Variants in ATP13A4 observed in about 807,000 individuals in gnomAD.
ATP13A4 encodes ATPase 13A4.
A neutral mutation model predicts 142.5 loss-of-function variants in ATP13A4; 114 were observed. The ratio of observed to expected loss-of-function variants is 0.80; its 90% confidence interval spans 0.69 to 0.93. ATP13A4 has a LOEUF of 0.93. Ranked by LOEUF, ATP13A4 falls within the 40% of genes least tolerant of loss-of-function variation. ATP13A4 has a pLI of 0.00. For synonymous variants in ATP13A4, 488 were observed against 514.8 expected (o/e 0.95, Z 0.70); for missense variants, 1,392 against 1,454.0 (o/e 0.96, Z 0.69).
chr3:193,570,208 G>A (rs535129428), intron 2 of ATP13A4, among the ~76,000 whole-genome samples: 39 of 152,120 alleles, frequency 2.6e-4, no homozygotes, highest in Non-Finnish European at 5.4e-4. Context: ...GGCTACTCAG[G>A]AGACTGAGCT....
At chr3:193,569,525 G>GTTT in intron 2 of ATP13A4, among the ~76,000 whole-genome samples, 1 of 150,706 alleles carries the variant, frequency 6.6e-6, no homozygotes, top group Non-Finnish European at 1.5e-5. Context: ...TGGTTTTTTT[G>GTTT]TTGTTGTTTT....
chr3:193,502,528 T>C lies in ATP13A4; in HGVS notation c.346A>G (p.Ile116Val), dbSNP rs1256648859. Residue 116 changes from isoleucine to valine, a missense_variant, in exon 3 of 30, where the codon ATC (isoleucine) becomes GTC (valine). Transcript: ENST00000342695. ...DHPLMTDEEY[I>V]INRAIRKPDL... Reference sequence around the variant, plus strand: ...GGCTTTCTTATGGCTCTATTTATGATATACTCCTCATCTGTCATGAGAGGG... The same window carrying C: ...GGCTTTCTTATGGCTCTATTTATGACATACTCCTCATCTGTCATGAGAGGG... The C allele has an allele frequency of 1.2e-6, 2 of 1,613,964 alleles. No individual in the cohort carries two copies. Among genetic ancestry groups the C allele is most frequent in the African/African-American group, 1.3e-5 (1 of 74,908 alleles).
chr3:193,446,361 C>T (rs942557086), intron 18 of ATP13A4, among the ~76,000 whole-genome samples: 36 of 151,894 alleles, frequency 2.4e-4, no homozygotes, highest in Admixed American at 2.0e-3. Flanking sequence ...TCTCCCACTC[C>T]GATCTCTTCT....
chr3:193,470,307 C>A (rs556750124), intron 9 of ATP13A4, among the ~76,000 whole-genome samples: 70 of 152,164 alleles, frequency 4.6e-4, no homozygotes, highest in Non-Finnish European at 9.4e-4. Flanking sequence ...CCAGCTCCAG[C>A]ACTGCCATTT....
chr3:193,571,184 A>T (rs967990591), intron 2 of ATP13A4, among the ~76,000 whole-genome samples: 1 of 151,734 alleles, frequency 6.6e-6, no homozygotes, highest in African/African-American at 2.4e-5. Flanking sequence ...AGGCTGAGGC[A>T]GGAGAATTGT....
Position 193,459,096 on chromosome 3 carries a change from A to T in ATP13A4, c.1659T>A (p.Phe553Leu). Residue 553 changes from phenylalanine to leucine, a missense_variant, in exon 14 of 30, where the codon TTT becomes TTA. Coordinates refer to ENST00000342695, the MANE Select transcript of ATP13A4 (RefSeq NM_032279.4). Reference protein sequence around the residue: ...IQGDPLDLKMFEATTWEMAFS... With the variant: ...IQGDPLDLKMLEATTWEMAFS... ...AGAGGCTTACCCAGGTGGTGGCTTC[A>T]AACATTTTGAGGTCCAGAGGGTCTC... The T allele has an allele frequency of 6.2e-7, 1 of 1,614,250 alleles. No individual in the cohort carries two copies. The highest frequency in any genetic ancestry group is 8.5e-7 in the Non-Finnish European group (1 of 1,180,048).
chr3:193,545,316 T>C (rs950286569), intron 1 of ATP13A4, among the ~76,000 whole-genome samples: 6 of 152,196 alleles, frequency 3.9e-5, no homozygotes, highest in Non-Finnish European at 5.9e-5. Context: ...GGGCCCTGCA[T>C]GTGTACCCAC....
intron 2 of ATP13A4, among the ~76,000 whole-genome samples, chr3:193,570,071 A>G (rs1724226148): frequency 1.3e-5 from 2 of 152,132 alleles, no homozygotes; most frequent in South Asian, 4.1e-4. Flanking sequence ...AGGCTGAGGC[A>G]GGAGGATCAC....
chr3:193,452,941 G>C (rs954719194), intron 17 of ATP13A4, among the ~76,000 whole-genome samples: 2 of 151,908 alleles, frequency 1.3e-5, no homozygotes, highest in African/African-American at 2.4e-5. Context: ...AAATTGGGAG[G>C]AGATTGTACT....
intron 1 of ATP13A4, among the ~76,000 whole-genome samples, chr3:193,515,384 G>A (rs1560247924): frequency 6.6e-6 from 1 of 152,188 alleles, no homozygotes; most frequent in Non-Finnish European, 1.5e-5. Context: ...AGCAGACACA[G>A]GAGAGGGAGA....
At chr3:193,590,720 A>T (rs960957246) in intron 1 of ATP13A4, among the ~76,000 whole-genome samples, 4 of 152,228 alleles carry the variant, frequency 2.6e-5, no homozygotes, top group African/African-American at 9.6e-5. Flanking sequence ...GTCAGAAGCA[A>T]GATGGAGTCA....
intron 2 of ATP13A4, among the ~76,000 whole-genome samples, chr3:193,568,946 G>A (rs1201018594): frequency 6.6e-6 from 1 of 152,204 alleles, no homozygotes; most frequent in African/African-American, 2.4e-5. Flanking sequence ...GGCGAGAAGA[G>A]ATAAATCTCT....
chr3:193,457,380 T>C lies in ATP13A4; in HGVS notation c.1760A>G (p.Gln587Arg), dbSNP rs200088407. The change falls in exon 15 of 30, where the codon CAG becomes CGG. Residue 587 changes from glutamine to arginine, a missense_variant and splice_region_variant. Coordinates refer to ENST00000342695, the MANE Select transcript of ATP13A4 (RefSeq NM_032279.4). ...GGGTGAAGAGCAAGCAGGGCTTACC[T>C]GGCTGGCTGTTCTGCAGGGCTTAAC... Reference protein sequence around the residue: ...MVVKPCRTASQVPVEGIAILH... With the variant: ...MVVKPCRTASRVPVEGIAILH... The C allele has an allele frequency of 1.8e-4, 291 of 1,614,146 alleles. No homozygotes were observed. Among genetic ancestry groups the C allele is most frequent in the Admixed American group, 2.3e-4 (14 of 60,028 alleles).
intron 2 of ATP13A4, among the ~76,000 whole-genome samples, chr3:193,579,756 C>T (rs1385185031): frequency 1.3e-5 from 2 of 152,164 alleles, no homozygotes; most frequent in Non-Finnish European, 2.9e-5. Flanking sequence ...TAGCTGGGAA[C>T]AACCTGGGTC....
intron 1 of ATP13A4, among the ~76,000 whole-genome samples, chr3:193,582,149 C>CTTTTT (rs61610633): frequency 1.6e-3 from 194 of 124,320 alleles, no homozygotes; most frequent in East Asian, 2.6e-3. Context: ...CTTTTCTTTT[C>CTTTTT]TTTTTTTTTT....
Position 193,424,390 on chromosome 3 carries a change from A to C in ATP13A4, c.2842+9455T>G, listed in dbSNP as rs913549791. ...ATAACCAAAGCACTCTTCAGCAAAA[A>C]GAATAATGCCAGAGGCCCCACATAT... On this transcript the variant is annotated intron_variant, in intron 25 of 29. Transcript: ENST00000342695. 1.7e-4 allele frequency among the ~76,000 whole-genome samples: 25 copies of C among 149,824 alleles called. 1 individual carries two copies. The highest frequency in any genetic ancestry group is 3.0e-5 in the Non-Finnish European group (2 of 67,582).
intron 27 of ATP13A4, among the ~76,000 whole-genome samples, chr3:193,411,582 ATT>A (rs909845208): frequency 6.6e-6 from 1 of 152,188 alleles, no homozygotes; most frequent in African/African-American, 2.4e-5. Context: ...TGGGCTTTGA[ATT>A]TTTTCAATAA....
Position 193,419,361 on chromosome 3 carries a change from CAAA to C in ATP13A4, c.2843-4614_2843-4612del, listed in dbSNP as rs1340345296. ...GCCTCCTGAAGAAACAATGCCTTGG[CAAA>C]GTGGTCCAACTACCCCTCCCAGTTG... On this transcript the variant is annotated intron_variant, in intron 25 of 29. Transcript: ENST00000342695. 1.3e-5 allele frequency among the ~76,000 whole-genome samples: 2 copies of C among 150,228 alleles called. 1 individual carries two copies. Among genetic ancestry groups the C allele is most frequent in the East Asian group, 4.1e-4 (2 of 4,844 alleles).
chr3:193,587,173 G>A (rs1385779705), intron 1 of ATP13A4, among the ~76,000 whole-genome samples: 1 of 152,174 alleles, frequency 6.6e-6, no homozygotes, highest in Non-Finnish European at 1.5e-5. Flanking sequence ...GAAACTGGGT[G>A]GGTTAAAACC....
Sources: allele counts gnomAD v4.1 joint callset (sites outside exome capture counted in the v4.1 genomes callset), GRCh38; gene constraint gnomAD v4.1.1; transcripts MANE v1.5; gene names NCBI Gene and HGNC (gene_info 2026-07-23, HGNC 2026-07-21).